The following MYO5B variants were observed in gnomAD, a reference collection of about 807,000 sequenced individuals.
MYO5B encodes the protein unconventional myosin-Vb.
Under a neutral mutation model 229.3 loss-of-function variants are expected in MYO5B, and 143 were observed. The ratio of observed to expected loss-of-function variants is 0.62; its 90% CI spans 0.54 to 0.72. MYO5B has a LOEUF of 0.72. Among genes scored for constraint, MYO5B ranks in the 30% least tolerant of loss-of-function variants. The pLI is 0.00. For missense variants in MYO5B, 2,321 were observed against 2,331.0 expected (o/e 1.00, Z 0.09); for synonymous variants, 918 against 885.2 (o/e 1.04, Z -0.66).
rs538616740 is a variant in MYO5B, at chr18:49,954,415, C to G, written c.1566G>C (p.Gln522His). 3 of 1,613,988 alleles carry G rather than the reference C, an allele frequency of 1.9e-6. No homozygotes were observed. The African/African-American group carries it at 4.0e-5, about 22-fold the overall frequency. The part of the protein sequence containing the change: ...EECKVPKGTD[Q>H]NWAQKLYDRH... ...GGTCATAGAGCTTCTGAGCCCAGTT[C>G]TGGTCAGTTCCTTTGGGGACCTGCA... The change falls in exon 13 of 40, where the codon CAG (glutamine) becomes CAC (histidine). Residue 522 changes from glutamine (Q) to histidine (H), a missense_variant. Coordinates refer to ENST00000285039, the MANE Select transcript of MYO5B (RefSeq NM_001080467.3).
chr18:49,826,227 A>G lies in MYO5B; in HGVS notation c.*244T>C. On this transcript the variant is annotated 3_prime_UTR_variant, in exon 40 of 40. Coordinates refer to ENST00000285039, the MANE Select transcript of MYO5B (RefSeq NM_001080467.3). ...TGCTTGGTGTCTATAAATTATGTAT[A>G]TGTGTTGGACTGAAATCAAACTTAA... The G allele has an allele frequency of 4.0e-6, 2 of 499,804 alleles. No individual in the cohort carries two copies. The highest frequency in any genetic ancestry group is 7.7e-5 in the East Asian group (2 of 26,032). The allele number at this position is 499,804 out of a possible 1,614,324, so 31.0% of individuals were successfully genotyped here.
chr18:50,047,980 C>T (rs2030283465), intron 2 of MYO5B, among the ~76,000 whole-genome samples: 1 of 151,362 alleles, frequency 6.6e-6, no homozygotes, highest in Non-Finnish European at 1.5e-5. Context: ...AGGAGATATA[C>T]CTAATGTAAA....
chr18:49,908,152 A>G (rs1218895169), intron 18 of MYO5B, among the ~76,000 whole-genome samples: 1 of 151,758 alleles, frequency 6.6e-6, no homozygotes, highest in African/African-American at 2.4e-5. Context: ...CCTATTTCGG[A>G]AAAAAAACAG....
chr18:50,063,425 C>CCCA (rs1200257197), intron 1 of MYO5B, among the ~76,000 whole-genome samples: 1 of 152,158 alleles, frequency 6.6e-6, no homozygotes, highest in Non-Finnish European at 1.5e-5. Flanking sequence ...TAGGTAGACT[C>CCCA]CCAAGTCCCA....
At chr18:49,855,151 A>G (rs1313776173) in intron 30 of MYO5B, among the ~76,000 whole-genome samples, 1 of 152,232 alleles carries the variant, frequency 6.6e-6, no homozygotes, top group Non-Finnish European at 1.5e-5. Flanking sequence ...ACATTTAATG[A>G]GAGAGAACAG....
At chr18:49,916,290 C>A (rs2025013180) in intron 17 of MYO5B, among the ~76,000 whole-genome samples, 1 of 152,196 alleles carries the variant, frequency 6.6e-6, no homozygotes, top group Admixed American at 6.5e-5. Flanking sequence ...GCTGTGGCTG[C>A]AAAGACATCA....
At chr18:50,138,420 G>T (rs768682973) in intron 1 of MYO5B, among the ~76,000 whole-genome samples, 10 of 152,136 alleles carry the variant, frequency 6.6e-5, no homozygotes, top group African/African-American at 7.2e-5. Context: ...AATTTGGGGG[G>T]GGTGGCAGGA....
intron 30 of MYO5B, among the ~76,000 whole-genome samples, chr18:49,854,963 G>A (rs1194284763): frequency 6.6e-6 from 1 of 152,082 alleles, no homozygotes; most frequent in Non-Finnish European, 1.5e-5. Context: ...ATGAAGAAGT[G>A]ATTGAGAAAA....
intron 1 of MYO5B, among the ~76,000 whole-genome samples, chr18:50,191,832 A>G (rs1288500199): frequency 1.3e-5 from 2 of 152,218 alleles, no homozygotes; most frequent in Admixed American, 6.5e-5. Context: ...TTGAGGCACT[A>G]AGAAAGTTAA....
intron 1 of MYO5B, among the ~76,000 whole-genome samples, chr18:50,186,751 C>T (rs182764716): frequency 4.3e-4 from 65 of 152,182 alleles, no homozygotes; most frequent in Non-Finnish European, 9.1e-4. Flanking sequence ...CAGTAACCTT[C>T]CCATGGTGCA....
In MYO5B at chr18:49,822,858, A is replaced by C. The variant is rs2023786671; in HGVS notation, c.*3613T>G. The C allele has an allele frequency of 6.6e-6, 1 of 152,232 alleles. No homozygotes were observed. The highest frequency in any genetic ancestry group is 1.5e-5 in the Non-Finnish European group (1 of 68,040). The allele number at this position is 152,232 out of a possible 1,614,324, so 9.4% of individuals were successfully genotyped here. ...TCCACAAATTTTTATCCACAGCTAA[A>C]TATTACAGTGACTATTACAAGCATT... On this transcript the variant is annotated 3_prime_UTR_variant, in exon 40 of 40. Coordinates refer to ENST00000285039, the MANE Select transcript of MYO5B (RefSeq NM_001080467.3).
At chr18:49,928,987 G>A (rs577246239) in intron 17 of MYO5B, among the ~76,000 whole-genome samples, 1 of 152,154 alleles carries the variant, frequency 6.6e-6, no homozygotes, top group East Asian at 1.9e-4. Context: ...TGATGGTGAG[G>A]GATAAAAGAC....
chr18:49,962,141 A>G lies in MYO5B; in HGVS notation c.1545+125T>C, dbSNP rs557409499. On this transcript the variant is annotated intron_variant, in intron 12 of 39. Coordinates refer to ENST00000285039, the MANE Select transcript of MYO5B (RefSeq NM_001080467.3). Reference sequence around the variant, plus strand: ...CATGCTTCTAGTATGCAGCCTGCCAACGCTTCTTCCAGCACACTGAAGGCC... The same window carrying G: ...CATGCTTCTAGTATGCAGCCTGCCAGCGCTTCTTCCAGCACACTGAAGGCC... 133 of 1,272,920 alleles carry G rather than the reference A, an allele frequency of 1.0e-4. No individual in the cohort carries two copies. In the African/African-American group the frequency reaches 1.7e-3, roughly 16 times the overall value. 78.9% of individuals were successfully genotyped at this position (1,272,920 alleles called of 1,614,324 possible).
chr18:49,868,533 A>T (rs1293078939), intron 27 of MYO5B, among the ~76,000 whole-genome samples: 1 of 152,216 alleles, frequency 6.6e-6, no homozygotes, highest in Non-Finnish European at 1.5e-5. Flanking sequence ...GTCGATAAAG[A>T]AAAACCAACA....
chr18:49,852,902 C>T lies in MYO5B; in HGVS notation c.4221+547G>A, dbSNP rs577953936. On this transcript the variant is annotated intron_variant, in intron 31 of 39. Coordinates refer to ENST00000285039, the MANE Select transcript of MYO5B (RefSeq NM_001080467.3). ...TCTACTTTCTCTTCTTTATTACATA[C>T]CTTGCTTCCCCTACTGACCAATCTG... 3.3e-5 allele frequency among the ~76,000 whole-genome samples: 5 copies of T among 152,320 alleles called. No individual in the cohort carries two copies. The South Asian group carries it at 1.0e-3, about 32-fold the overall frequency.
intron 14 of MYO5B, among the ~76,000 whole-genome samples, chr18:49,950,618 G>A (rs546390871): frequency 9.2e-5 from 14 of 152,228 alleles, no homozygotes; most frequent in Non-Finnish European, 2.1e-4. Flanking sequence ...AGAGGACTAC[G>A]TGTCTATAAT....
In MYO5B at chr18:50,055,355, G is replaced by A. The variant is rs759325127; in HGVS notation, c.51C>T (p.Asp17=). 1 of 1,613,688 alleles carries A rather than the reference G, an allele frequency of 6.2e-7. No individual in the cohort carries two copies. Among genetic ancestry groups the A allele is most frequent in the African/African-American group, 1.3e-5 (1 of 74,804 alleles). The stretch of plus-strand genomic sequence containing the variant: ...CAGCTGAGCGCCATACCTCATCAGG[G>A]TCAGGGATCCAGACCCTTGTGCACT... ...YSQCTRVWIP[D]PDEVWRSAEL... is the part of the protein sequence containing the mutation. Residue 17 remains aspartate (D), a synonymous_variant, in exon 2 of 40, where the codon GAC becomes GAT. Transcript: ENST00000285039.
At chr18:50,104,510 C>CATACA (rs113039776) in intron 1 of MYO5B, among the ~76,000 whole-genome samples, 33,974 of 151,592 alleles carry the variant, frequency 0.22, 4,772 homozygotes, top group African/African-American at 0.41. Flanking sequence ...CTACAAAGAT[C>CATACA]ATACAATTGT....
intron 2 of MYO5B, among the ~76,000 whole-genome samples, chr18:50,042,593 A>C (rs984584870): frequency 6.6e-6 from 1 of 152,236 alleles, no homozygotes; most frequent in Non-Finnish European, 1.5e-5. Flanking sequence ...GAAATGGCGA[A>C]TGTCCGAGGG....
Sources: gnomAD v4.1 joint callset for allele counts (sites outside exome capture counted in the v4.1 genomes callset) on GRCh38, gnomAD v4.1.1 for gene constraint, MANE v1.5 for transcripts, NCBI Gene and HGNC (gene_info 2026-07-23, HGNC 2026-07-21) for gene names.